Variants in NOL12 observed in about 807,000 individuals in gnomAD.
NOL12 encodes the protein nucleolar protein 12.
A neutral mutation model predicts 25.2 loss-of-function variants in NOL12; 21 were observed. That is an observed-to-expected ratio of 0.83 (90% CI 0.59 to 1.20). The LOEUF (loss-of-function observed/expected upper bound fraction) is 1.20. NOL12 is among the 50% of genes most tolerant of loss of function. NOL12 has a pLI of 0.00. For synonymous variants in NOL12, 133 were observed against 113.8 expected (o/e 1.17, Z -1.08); for missense variants, 286 against 287.6 (o/e 0.99, Z 0.04).
Position 37,687,910 on chromosome 22 carries a change from G to A in NOL12, c.84G>A (p.Arg28=), listed in dbSNP as rs1053559213. 3 of 1,568,876 alleles carry A rather than the reference G, an allele frequency of 1.9e-6. No homozygotes were observed. In the African/African-American group the frequency reaches 4.1e-5, roughly 21 times the overall value. ...LVLSFDEEKR[R]EYLTGFHKRK... Reference sequence around the variant, plus strand: ...GTCTCTGCCGGCTTCCTTCCTGTAGGGAGTACCTGACAGGCTTCCACAAGC... The same window carrying A: ...GTCTCTGCCGGCTTCCTTCCTGTAGAGAGTACCTGACAGGCTTCCACAAGC... Residue 28 remains arginine, a splice_region_variant and synonymous_variant, in exon 2 of 6, where the codon CGG becomes CGA. Coordinates refer to ENST00000359114, the MANE Select transcript of NOL12 (RefSeq NM_024313.3).
chr22:37,689,497 C>A (rs138214064), intron 4 of NOL12, among the ~76,000 whole-genome samples: 2 of 152,124 alleles, frequency 1.3e-5, no homozygotes, highest in African/African-American at 4.8e-5. Context: ...GGGTTTTCAA[C>A]CTGTGGGTTG....
intron 2 of NOL12, 37 bp from the exon 3 acceptor site, chr22:37,688,275 G>T: frequency 6.2e-7 from 1 of 1,608,482 alleles, no homozygotes; most frequent in Non-Finnish European, 8.5e-7. Context: ...GGACTGAGAG[G>T]CCATACTCAC....
Position 37,691,154 on chromosome 22 carries a change from G to A in NOL12, c.480-20G>A, listed in dbSNP as rs764022440. On this transcript the variant is annotated intron_variant, in intron 5 of 5. Transcript: ENST00000359114. ...ACCCCACAATGCAATCTTAAACTGA[G>A]GCTTTCTGCCCTCCCCTAGGATCTC... 3.8e-6 allele frequency: 6 copies of A among 1,589,344 alleles called. No individual in the cohort carries two copies. The South Asian group carries it at 6.7e-5, about 18-fold the overall frequency.
intron 5 of NOL12, 102 bp from the exon 6 acceptor site, chr22:37,691,072 C>A: frequency 7.4e-7 from 1 of 1,357,806 alleles, no homozygotes; most frequent in Non-Finnish European, 1.0e-6. Flanking sequence ...ATGAACTTGG[C>A]GGTCCTGGCA....
rs528779807 is a variant in NOL12, at chr22:37,686,645, G to T, written c.83+170G>T. ...CGTTCCCGCTTCTCCCTTCTCGGCCGCCACCTTCTCCCTTCTTGACCTCCC... is the reference window on the plus strand; with the variant it reads ...CGTTCCCGCTTCTCCCTTCTCGGCCTCCACCTTCTCCCTTCTTGACCTCCC... On this transcript the variant is annotated intron_variant, in intron 1 of 5. Coordinates refer to ENST00000359114, the MANE Select transcript of NOL12 (RefSeq NM_024313.3). The T allele has an allele frequency of 5.2e-4, 510 of 985,324 alleles. 6 individuals carry two copies. In the African/African-American group the frequency reaches 8.5e-3, roughly 16 times the overall value. The allele number at this position is 985,324 out of a possible 1,614,324, so 61.0% of individuals were successfully genotyped here.
rs1170870686 is a variant in NOL12 at position 37,691,714 on chromosome 22, TG to T, written c.*379del. On this transcript the variant is annotated 3_prime_UTR_variant, in exon 6 of 6. Coordinates refer to ENST00000359114, the MANE Select transcript of NOL12 (RefSeq NM_024313.3). ...TGGAAATGGCCAGGGCCCATGGGTC[TG>T]TCTCCAGCAGTTAGCCCTGTGGCTG... The T allele has an allele frequency of 1.5e-5, 3 of 199,166 alleles. No individual in the cohort carries two copies. The highest frequency in any genetic ancestry group is 1.2e-4 in the Admixed American group (2 of 16,896). 12.3% of individuals were successfully genotyped at this position (199,166 alleles called of 1,614,324 possible). A position where few individuals can be genotyped will look rare whatever the true frequency, so the allele number is the denominator to read the frequency against.
In NOL12 at chr22:37,688,923, A is replaced by G. The variant is rs900894022; in HGVS notation, c.312A>G (p.Thr104=). The G allele has an allele frequency of 6.2e-7, 1 of 1,613,566 alleles. No individual in the cohort carries two copies. Among genetic ancestry groups the G allele is most frequent in the Non-Finnish European group, 8.5e-7 (1 of 1,179,930 alleles). The stretch of plus-strand genomic sequence containing the variant: ...TGCAGTATGACCACCCCAACCACAC[A>G]GTCACCGTGACCACCATCAGTGACC... The part of the protein sequence containing the change: ...ESVQYDHPNH[T]VTVTTISDLD... Residue 104 remains threonine (T), a synonymous_variant, in exon 4 of 6, where the codon ACA becomes ACG. Coordinates refer to ENST00000359114, the MANE Select transcript of NOL12 (RefSeq NM_024313.3).
Position 37,687,919 on chromosome 22 carries a change from G to T in NOL12, c.93G>T (p.Leu31=). ...SFDEEKRREY[L]TGFHKRKVER... ...GGCTTCCTTCCTGTAGGGAGTACCT[G>T]ACAGGCTTCCACAAGCGGAAGGTCG... The change falls in exon 2 of 6, where the codon CTG becomes CTT. Residue 31 remains leucine, a synonymous_variant. Coordinates refer to ENST00000359114, the MANE Select transcript of NOL12 (RefSeq NM_024313.3). 1 of 1,573,678 alleles carries T rather than the reference G, an allele frequency of 6.4e-7. No homozygotes were observed. Among genetic ancestry groups the T allele is most frequent in the South Asian group, 1.2e-5 (1 of 85,324 alleles).
intron 1 of NOL12, chr22:37,687,190 T>C: frequency 1.5e-6 from 1 of 682,278 alleles, no homozygotes; most frequent in Non-Finnish European, 1.8e-6. Context: ...GTGGTGGCCC[T>C]GAAAACCCTG....
chr22:37,688,402 GC>G (rs756770394), intron 3 of NOL12, 42 bp downstream of exon 3: 1 of 1,601,242 alleles, frequency 6.2e-7, no homozygotes, highest in African/African-American at 1.3e-5. Context: ...CAGCTGATGG[GC>G]CTGGTTTATA....
At position 37,691,246 on chromosome 22, in the gene NOL12, C is replaced by T. The variant is rs751536964; in HGVS notation, c.552C>T (p.Ala184=). 6.2e-7 allele frequency: 1 copy of T among 1,614,104 alleles called. No individual in the cohort carries two copies. The highest frequency in any genetic ancestry group is 1.1e-5 in the South Asian group (1 of 91,076). Residue 184 remains alanine (A), a synonymous_variant, in exon 6 of 6, where the codon GCC becomes GCT. Coordinates refer to ENST00000359114, the MANE Select transcript of NOL12 (RefSeq NM_024313.3). ...KKVKRKHPRR[A]QDSKKPPRAP... ...TCAAGAGGAAACATCCCCGACGGGC[C>T]CAGGACTCCAAAAAGCCCCCAAGGG...
chr22:37,691,375 G>A lies in NOL12; in HGVS notation c.*39G>A, dbSNP rs202113369. ...GCGGTGCCCCAGTCTAGGCTGCGGG[G>A]ACCTGTCCTTGCTCAGCTTGGCTGT... is the stretch of plus-strand genomic sequence containing the variant. On this transcript the variant is annotated 3_prime_UTR_variant, in exon 6 of 6. Transcript: ENST00000359114. 16 of 1,562,148 alleles carry A rather than the reference G, an allele frequency of 1.0e-5. No individual in the cohort carries two copies. Among genetic ancestry groups the A allele is most frequent in the South Asian group, 1.2e-5 (1 of 84,560 alleles).
intron 4 of NOL12, among the ~76,000 whole-genome samples, chr22:37,689,370 G>A (rs942658298): frequency 6.6e-6 from 1 of 152,184 alleles, no homozygotes; most frequent in Non-Finnish European, 1.5e-5. Flanking sequence ...GTTAATCCAT[G>A]TGAGTCACCT....
chr22:37,688,098 G>A, intron 2 of NOL12, 83 bp downstream of exon 2: 1 of 1,260,598 alleles, frequency 7.9e-7, no homozygotes, highest in Non-Finnish European at 1.1e-6. Context: ...GGCAGCTGCT[G>A]GCATGGGGCG....
At chr22:37,688,386 G>A in intron 3 of NOL12, 26 bp downstream of exon 3, 1 of 1,612,096 alleles carries the variant, frequency 6.2e-7, no homozygotes, top group Non-Finnish European at 8.5e-7. Context: ...GGCCTGACCT[G>A]GAGAACAGCT....
Position 37,688,909 on chromosome 22 carries a change from C to T in NOL12, c.298C>T (p.His100Tyr), listed in dbSNP as rs746027481. The T allele has an allele frequency of 8.1e-6, 13 of 1,613,896 alleles. No homozygotes were observed. The Admixed American group carries it at 1.5e-4, about 19-fold the overall frequency. ...TAKTESVQYD[H>Y]PNHTVTVTTI... ...AAAGACGGAGTCGGTGCAGTATGACCACCCCAACCACACAGTCACCGTGAC... is the reference window on the plus strand; with the variant it reads ...AAAGACGGAGTCGGTGCAGTATGACTACCCCAACCACACAGTCACCGTGAC... The change falls in exon 4 of 6, where the codon CAC becomes TAC. Residue 100 changes from histidine (H) to tyrosine (Y), a missense_variant. His to Tyr is a moderately conservative substitution (Grantham distance 83, BLOSUM62 2). Coordinates refer to ENST00000359114, the MANE Select transcript of NOL12 (RefSeq NM_024313.3).
At position 37,691,570 on chromosome 22, in the gene NOL12, C is replaced by A. The variant is rs377321738; in HGVS notation, c.*234C>A. On this transcript the variant is annotated 3_prime_UTR_variant, in exon 6 of 6. Coordinates refer to ENST00000359114, the MANE Select transcript of NOL12 (RefSeq NM_024313.3). ...AGAGCAGGCCTCCCCCAGGAAGAGC[C>A]TTCAGAGCCACGTGGGGGCATCTTC... 1 of 491,310 alleles carries A rather than the reference C, an allele frequency of 2.0e-6. No individual in the cohort carries two copies. Among genetic ancestry groups the A allele is most frequent in the Non-Finnish European group, 3.5e-6 (1 of 284,946 alleles). 30.4% of individuals were successfully genotyped at this position (491,310 alleles called of 1,614,324 possible). A position where few individuals can be genotyped will look rare whatever the true frequency, so the allele number is the denominator to read the frequency against.
chr22:37,687,265 C>G (rs1457253092), intron 1 of NOL12, among the ~76,000 whole-genome samples: 3 of 136,898 alleles, frequency 2.2e-5, no homozygotes, highest in Non-Finnish European at 3.2e-5. Context: ...GTGGCCCCCC[C>G]CCCCACCCGC....
chr22:37,687,269 C>T (rs866741114), intron 1 of NOL12, among the ~76,000 whole-genome samples: 3 of 115,470 alleles, frequency 2.6e-5, no homozygotes, highest in South Asian at 3.6e-4. Context: ...CCCCCCCCCC[C>T]ACCCGCCCCA....
Sources: gnomAD v4.1 joint callset for allele counts (sites outside exome capture counted in the v4.1 genomes callset) on GRCh38, gnomAD v4.1.1 for gene constraint, MANE v1.5 for transcripts, NCBI Gene and HGNC (gene_info 2026-07-23, HGNC 2026-07-21) for gene names.